Variants in C1orf94 observed in about 807,000 individuals in gnomAD.
The protein encoded by C1orf94 is uncharacterized protein C1orf94.
Under a neutral mutation model 53.6 loss-of-function variants are expected in C1orf94, and 45 were observed. The ratio of observed to expected loss-of-function variants is 0.84; its 90% CI spans 0.66 to 1.08. The LOEUF (loss-of-function observed/expected upper bound fraction) is 1.08. Ranked by LOEUF, C1orf94 falls within the 50% of genes least tolerant of loss-of-function variation. The pLI is 0.00. For missense variants in C1orf94, 762 were observed against 738.9 expected, an observed-to-expected ratio of 1.03 and a Z score of -0.36; for synonymous variants, 304 against 296.1, an observed-to-expected ratio of 1.03 and a Z score of -0.27.
At chr1:34,218,227 A>C (rs1643021675) in intron 6 of C1orf94, among the ~76,000 whole-genome samples, 1 of 152,054 alleles carries the variant, frequency 6.6e-6, no homozygotes, top group South Asian at 2.1e-4. Context: ...GAAGGGGAGG[A>C]GGGACTCTGG....
At chr1:34,171,911 G>C (rs369002893), upstream of C1orf94, among the ~76,000 whole-genome samples, 5 of 152,202 alleles carry the variant, frequency 3.3e-5, no homozygotes, top group East Asian at 9.6e-4. Flanking sequence ...TCGGGTGCTG[G>C]AAAGTAGCAA....
chr1:34,173,659 G>A (rs977145898), upstream of C1orf94, among the ~76,000 whole-genome samples: 5 of 152,064 alleles, frequency 3.3e-5, no homozygotes, highest in South Asian at 2.1e-4. Flanking sequence ...TTTCATTATC[G>A]TAAAACAAGT....
intron 1 of C1orf94, among the ~76,000 whole-genome samples, chr1:34,195,633 A>C (rs1290796541): frequency 6.6e-6 from 1 of 152,102 alleles, no homozygotes. Flanking sequence ...AGGACCCAGC[A>C]ACTAAAGGTT....
chr1:34,200,040 C>CT (rs1557485145), intron 2 of C1orf94, among the ~76,000 whole-genome samples: 2 of 152,186 alleles, frequency 1.3e-5, no homozygotes, highest in African/African-American at 4.8e-5. Flanking sequence ...GCATGTCTCT[C>CT]TTTTTTTCTT....
At chr1:34,218,025 A>T (rs992591148) in intron 6 of C1orf94, among the ~76,000 whole-genome samples, 1 of 152,142 alleles carries the variant, frequency 6.6e-6, no homozygotes, top group Non-Finnish European at 1.5e-5. Flanking sequence ...TTTGAACTCT[A>T]TTTTGAAGTA....
chr1:34,195,713 G>A (rs1268314516), intron 1 of C1orf94, among the ~76,000 whole-genome samples: 6 of 152,072 alleles, frequency 3.9e-5, no homozygotes, highest in Non-Finnish European at 7.3e-5. Flanking sequence ...GTTAAATGCA[G>A]TGACTACTCC....
intron 4 of C1orf94, among the ~76,000 whole-genome samples, chr1:34,206,603 G>C (rs1642798767): frequency 6.6e-6 from 1 of 152,254 alleles, no homozygotes; most frequent in Admixed American, 6.5e-5. Flanking sequence ...GTAGAAAGCA[G>C]AGATGAGTGC....
intron 6 of C1orf94, among the ~76,000 whole-genome samples, chr1:34,214,479 C>T (rs779434558): frequency 1.3e-5 from 2 of 152,044 alleles, no homozygotes; most frequent in African/African-American, 2.4e-5. Flanking sequence ...CTCTAGGGGC[C>T]TATGGGACAG....
chr1:34,183,377 C>G (rs1642339282), intron 1 of C1orf94, among the ~76,000 whole-genome samples: 1 of 152,252 alleles, frequency 6.6e-6, no homozygotes. Flanking sequence ...GTTGCCCTAA[C>G]TACAGAATGA....
intron 6 of C1orf94, among the ~76,000 whole-genome samples, chr1:34,212,765 T>TC (rs1266723657): frequency 3.1e-4 from 47 of 152,232 alleles, no homozygotes; most frequent in Admixed American, 7.2e-4. Context: ...CCAGCTAATC[T>TC]CCTTAGAGCT....
chr1:34,208,090 T>A (rs1642828659), intron 4 of C1orf94, 67 bp from the exon 5 acceptor site: 1 of 1,503,212 alleles, frequency 6.7e-7, no homozygotes, highest in Non-Finnish European at 9.2e-7. Flanking sequence ...GGAACTGAGC[T>A]GAGTAGCTGA....
chr1:34,199,312 A>C (rs1200855847), intron 2 of C1orf94, among the ~76,000 whole-genome samples: 1 of 152,168 alleles, frequency 6.6e-6, no homozygotes, highest in African/African-American at 2.4e-5. Flanking sequence ...TCTCTGGGGA[A>C]AGGGCTATTA....
In C1orf94 at chr1:34,197,945, C is replaced by T; in HGVS notation, c.1009+32C>T. ...GGGGTTGGAACTGGGGTAGAGTGGG[C>T]CTGCAAGGAGGAGGTCCTTCCCAGG... On this transcript the variant is annotated intron_variant, in intron 2 of 6. Coordinates refer to ENST00000488417, the MANE Select transcript of C1orf94 (RefSeq NM_001134734.2). This position sits in a 1 kb window ranked among gnomAD's most constrained non-coding sequence, Gnocchi z 4.1. 1 of 1,572,618 alleles carries T rather than the reference C, an allele frequency of 6.4e-7. No homozygotes were observed. The highest frequency in any genetic ancestry group is 8.6e-7 in the Non-Finnish European group (1 of 1,158,470).
intron 3 of C1orf94, 24 bp from the exon 4 acceptor site, chr1:34,202,060 C>A: frequency 6.2e-7 from 1 of 1,608,248 alleles, no homozygotes; most frequent in South Asian, 1.1e-5. Context: ...CACTGACCCG[C>A]TTTGCCTCTC....
upstream of C1orf94, among the ~76,000 whole-genome samples, chr1:34,173,205 G>A (rs1642174423): frequency 6.6e-6 from 1 of 152,228 alleles, no homozygotes; most frequent in Non-Finnish European, 1.5e-5. Flanking sequence ...TAAGATTGGT[G>A]AGAAATCACA....
chr1:34,217,259 A>G (rs191090082), intron 6 of C1orf94, among the ~76,000 whole-genome samples: 10 of 152,260 alleles, frequency 6.6e-5, no homozygotes, highest in African/African-American at 2.2e-4. Context: ...TCTAGCGTAC[A>G]TACTGTCTAG....
Position 34,197,466 on chromosome 1 carries a change from A to G in C1orf94, c.562A>G (p.Lys188Glu). The change falls in exon 2 of 7, where the codon AAG becomes GAG. Residue 188 changes from lysine (K) to glutamate (E), a missense_variant. Coordinates refer to ENST00000488417, the MANE Select transcript of C1orf94 (RefSeq NM_001134734.2). This position sits in a 1 kb window ranked among gnomAD's most constrained non-coding sequence, Gnocchi z 4.1. ...IIVGDKLLKQ[K>E]VAMPVISSRQ... Reference sequence around the variant, plus strand: ...TGTCGGAGACAAGCTTCTGAAGCAGAAGGTGGCCATGCCCGTTATCAGCAG... The same window carrying G: ...TGTCGGAGACAAGCTTCTGAAGCAGGAGGTGGCCATGCCCGTTATCAGCAG... 6.2e-7 allele frequency: 1 copy of G among 1,614,064 alleles called. No individual in the cohort carries two copies. The highest frequency in any genetic ancestry group is 1.1e-5 in the South Asian group (1 of 91,068).
upstream of C1orf94, among the ~76,000 whole-genome samples, chr1:34,175,075 A>C (rs1434412448): frequency 1.3e-5 from 2 of 152,192 alleles, no homozygotes; most frequent in Admixed American, 1.3e-4. Context: ...ATATGGACAT[A>C]GCTTTATACT....
chr1:34,171,648 C>T (rs976964180), intron 1 of C1orf94, among the ~76,000 whole-genome samples: 4 of 152,238 alleles, frequency 2.6e-5, no homozygotes, highest in African/African-American at 4.8e-5. Flanking sequence ...CTAACAGCAT[C>T]TCTGTCTTTT....
Sources: gnomAD v4.1 joint callset for allele counts (sites outside exome capture counted in the v4.1 genomes callset) on GRCh38, gnomAD v4.1.1 for gene constraint, Gnocchi (gnomAD v3.1) non-coding constraint, MANE v1.5 for transcripts, NCBI Gene and HGNC (gene_info 2026-07-23, HGNC 2026-07-21) for gene names.